The following LCK variants were observed in gnomAD, a reference collection of about 807,000 sequenced individuals.
LCK encodes the protein tyrosine-protein kinase Lck.
A neutral mutation model predicts 64.6 loss-of-function variants in LCK; 14 were observed. The ratio of observed to expected loss-of-function variants is 0.22; its 90% confidence interval spans 0.14 to 0.34. The LOEUF (loss-of-function observed/expected upper bound fraction) is 0.34. Ranked by LOEUF, LCK falls within the 10% of genes least tolerant of loss-of-function variation. LCK has a pLI of 1.00. For synonymous variants in LCK, 277 were observed against 263.6 expected (o/e 1.05, Z -0.49); for missense variants, 434 against 668.1 (o/e 0.65, Z 3.86).
chr1:32,270,555 T>C (rs1170641854), intron 1 of LCK, among the ~76,000 whole-genome samples: 1 of 145,130 alleles, frequency 6.9e-6, no homozygotes, highest in Non-Finnish European at 1.5e-5. Context: ...CCACCATGCC[T>C]GGCTAATTTT....
Position 32,276,330 on chromosome 1 carries a change from C to A in LCK, c.632-7C>A. 1 of 1,558,774 alleles carries A rather than the reference C, an allele frequency of 6.4e-7. No homozygotes were observed. ...TGACAGCCTTCACCCCTCCCTCGTC[C>A]TCGCAGATGCTTCAGATGGGCTGTG... On this transcript the variant is annotated splice_polypyrimidine_tract_variant and splice_region_variant and intron_variant, in intron 7 of 12. Transcript: ENST00000336890. The surrounding 1 kb of genome is among the most constrained non-coding windows in gnomAD (Gnocchi z 4.6).
At chr1:32,267,247 C>G (rs559589200) in intron 1 of LCK, among the ~76,000 whole-genome samples, 1 of 152,144 alleles carries the variant, frequency 6.6e-6, no homozygotes, top group Non-Finnish European at 1.5e-5. Context: ...CACCTCCCCC[C>G]AGGACTCCTA....
rs777123765 is a variant in LCK at position 32,276,304 on chromosome 1, T to C, written c.632-33T>C. 11 of 1,533,238 alleles carry C rather than the reference T, an allele frequency of 7.2e-6. No homozygotes were observed. In the African/African-American group the frequency reaches 9.6e-5, roughly 13 times the overall value. 95.0% of individuals were successfully genotyped at this position (1,533,238 alleles called of 1,614,324 possible). A position where few individuals can be genotyped will look rare whatever the true frequency, so the allele number is the denominator to read the frequency against. On this transcript the variant is annotated intron_variant, in intron 7 of 12. Transcript: ENST00000336890. The surrounding 1 kb of genome is among the most constrained non-coding windows in gnomAD (Gnocchi z 4.6). ...TGGTGTCAATACGAGGCCTGCCCTA[T>C]TGACAGCCTTCACCCCTCCCTCGTC...
At position 32,280,498 on chromosome 1, in the gene LCK, C is replaced by T. The variant is rs570618024; in HGVS notation, c.1327+288C>T. ...TGAGACGGAGTCTTGCTCTGTCTCC[C>T]AGGCTGGGGTGCAGTGGCGCCATCT... is the stretch of plus-strand genomic sequence containing the variant. On this transcript the variant is annotated intron_variant, in intron 12 of 12. Coordinates refer to ENST00000336890, the MANE Select transcript of LCK (RefSeq NM_005356.5). 4.0e-3 allele frequency among the ~76,000 whole-genome samples: 547 copies of T among 135,698 alleles called. 5 individuals carry two copies. Among genetic ancestry groups the T allele is most frequent in the African/African-American group, 0.016 (534 of 34,438 alleles). 89.0% of individuals were successfully genotyped at this position (135,698 alleles called of 152,430 possible). A position where few individuals can be genotyped will look rare whatever the true frequency, so the allele number is the denominator to read the frequency against.
intron 1 of LCK, among the ~76,000 whole-genome samples, chr1:32,253,136 C>T (rs1183970057): frequency 2.0e-5 from 3 of 152,118 alleles, no homozygotes; most frequent in African/African-American, 7.2e-5. Flanking sequence ...GAGGCTGAGG[C>T]GGGCAGATCA....
At chr1:32,282,748 G>T (rs1378004261) in intron 12 of LCK, among the ~76,000 whole-genome samples, 1 of 152,146 alleles carries the variant, frequency 6.6e-6, no homozygotes, top group African/African-American at 2.4e-5. Flanking sequence ...GGAAGTTGCA[G>T]TGAGCCATGA....
Position 32,276,121 on chromosome 1 carries a change from C to A in LCK, c.631+58C>A. 6.3e-7 allele frequency: 1 copy of A among 1,587,306 alleles called. No homozygotes were observed. Among genetic ancestry groups the A allele is most frequent in the Non-Finnish European group, 8.6e-7 (1 of 1,158,568 alleles). On this transcript the variant is annotated intron_variant, in intron 7 of 12. Coordinates refer to ENST00000336890, the MANE Select transcript of LCK (RefSeq NM_005356.5). This position sits in a 1 kb window ranked among gnomAD's most constrained non-coding sequence, Gnocchi z 4.6. The stretch of plus-strand genomic sequence containing the variant: ...ATCAGCCTATCTCCCCTCAGTCCCC[C>A]TCAGGTGTCCCCCATCCATCTTTCA...
chr1:32,263,442 T>A (rs1024689095), intron 1 of LCK, among the ~76,000 whole-genome samples: 5 of 120,210 alleles, frequency 4.2e-5, no homozygotes, highest in African/African-American at 1.6e-4. Context: ...AATAAATAAA[T>A]AAATAAAAAT....
At chr1:32,284,037 C>T (rs866847248) in intron 12 of LCK, among the ~76,000 whole-genome samples, 9 of 151,958 alleles carry the variant, frequency 5.9e-5, no homozygotes, top group Middle Eastern at 6.8e-3. Context: ...TGTGCCACCA[C>T]GCCCAGCTAA....
chr1:32,276,256 G>C lies in LCK; in HGVS notation c.632-81G>C, dbSNP rs1452288100. ...CTTGCTAGTCCACTTCACCTAGATG[G>C]GGGCTTGGAGAAGTGGGGGAGGTGG... On this transcript the variant is annotated intron_variant, in intron 7 of 12. Coordinates refer to ENST00000336890, the MANE Select transcript of LCK (RefSeq NM_005356.5). The surrounding 1 kb of genome is among the most constrained non-coding windows in gnomAD (Gnocchi z 4.6). 7 of 1,501,824 alleles carry C rather than the reference G, an allele frequency of 4.7e-6. No homozygotes were observed. Among genetic ancestry groups the C allele is most frequent in the Non-Finnish European group, 5.3e-6 (6 of 1,126,906 alleles). The allele number at this position is 1,501,824 out of a possible 1,614,324, so 93.0% of individuals were successfully genotyped here.
chr1:32,269,007 G>A (rs183847668), intron 1 of LCK, among the ~76,000 whole-genome samples: 2 of 151,026 alleles, frequency 1.3e-5, no homozygotes, highest in Admixed American at 6.6e-5. Context: ...GGTGGTGCAC[G>A]CCTGTAGTCC....
chr1:32,283,101 C>A (rs1370419686), intron 12 of LCK, among the ~76,000 whole-genome samples: 1 of 151,748 alleles, frequency 6.6e-6, no homozygotes, highest in Non-Finnish European at 1.5e-5. Context: ...CCAGCCTGAC[C>A]AACATAGTGA....
intron 12 of LCK, among the ~76,000 whole-genome samples, chr1:32,284,162 C>T (rs1368134241): frequency 2.6e-5 from 4 of 151,178 alleles, no homozygotes; most frequent in Non-Finnish European, 5.9e-5. Flanking sequence ...GGATTACAGG[C>T]GTGAGCCACC....
chr1:32,276,840 G>T lies in LCK; in HGVS notation c.964+54G>T. The T allele has an allele frequency of 6.8e-7, 1 of 1,476,806 alleles. No individual in the cohort carries two copies. Among genetic ancestry groups the T allele is most frequent in the Non-Finnish European group, 9.1e-7 (1 of 1,099,208 alleles). The allele number at this position is 1,476,806 out of a possible 1,614,324, so 91.5% of individuals were successfully genotyped here. On this transcript the variant is annotated intron_variant, in intron 9 of 12. Coordinates refer to ENST00000336890, the MANE Select transcript of LCK (RefSeq NM_005356.5). The surrounding 1 kb of genome is among the most constrained non-coding windows in gnomAD (Gnocchi z 4.6). ...GGATACTGCTCTCCCTGCTGTCCCT[G>T]CCAGAGGGTGGAAATACACCTTTTC... is the stretch of plus-strand genomic sequence containing the variant.
chr1:32,268,753 C>T (rs1198260726), intron 1 of LCK, among the ~76,000 whole-genome samples: 4 of 147,162 alleles, frequency 2.7e-5, no homozygotes, highest in African/African-American at 1.0e-4. Context: ...GCAGAGGTTG[C>T]GGTGGGCCGA....
At chr1:32,255,101 A>G (rs1010841072) in intron 1 of LCK, among the ~76,000 whole-genome samples, 7 of 152,154 alleles carry the variant, frequency 4.6e-5, no homozygotes, top group African/African-American at 1.7e-4. Flanking sequence ...ATCGTGAAAA[A>G]TTTGGTGTGT....
At chr1:32,266,379 T>A (rs1186802613) in intron 1 of LCK, among the ~76,000 whole-genome samples, 1 of 150,106 alleles carries the variant, frequency 6.7e-6, no homozygotes, top group Non-Finnish European at 1.5e-5. Context: ...GCGCCGGTAG[T>A]TCCAGCTACT....
intron 11 of LCK, 38 bp from the exon 12 acceptor site, chr1:32,280,041 A>G (rs747580566): frequency 1.9e-6 from 3 of 1,614,026 alleles, no homozygotes; most frequent in Admixed American, 3.3e-5. Context: ...GGGTCTGGCC[A>G]AGCAGACCCA....
chr1:32,252,697 C>T (rs758468743), intron 1 of LCK, among the ~76,000 whole-genome samples: 34 of 152,152 alleles, frequency 2.2e-4, no homozygotes, highest in Non-Finnish European at 3.8e-4. Context: ...AGAGGCTCTT[C>T]TCAAAGAGAG....
Sources: allele counts gnomAD v4.1 joint callset (sites outside exome capture counted in the v4.1 genomes callset), GRCh38; gene constraint gnomAD v4.1.1; non-coding constraint Gnocchi (gnomAD v3.1); transcripts MANE v1.5; gene names NCBI Gene and HGNC (gene_info 2026-07-23, HGNC 2026-07-21).